The following GTPBP6 variants were observed in gnomAD, a reference collection of about 807,000 sequenced individuals.
GTPBP6 encodes GTP binding protein 6.
Under a neutral mutation model 28.9 loss-of-function variants are expected in GTPBP6, and 33 were observed. The observed-to-expected ratio is 1.14, with a 90% CI of 0.87 to 1.53. The LOEUF (loss-of-function observed/expected upper bound fraction) is 1.53. Ranked by LOEUF, GTPBP6 falls within the 40% of genes most tolerant of loss-of-function variation. The pLI, the probability that GTPBP6 is intolerant of heterozygous loss-of-function variation, is 0.00. For synonymous variants in GTPBP6, 231 were observed against 192.7 expected, an observed-to-expected ratio of 1.20 and a Z score of -1.65; for missense variants, 507 against 408.3, an observed-to-expected ratio of 1.24 and a Z score of -2.08.
At chrX:317,410 G>A (rs1320868285) in intron 1 of GTPBP6, among the ~76,000 whole-genome samples, 2 of 152,010 alleles carry the variant, frequency 1.3e-5, no homozygotes, top group African/African-American at 2.4e-5. Flanking sequence ...TGAGCAGTTC[G>A]GGGCTTCATC....
At chrX:312,064 G>A (rs2070312675) in intron 6 of GTPBP6, 1 of 455,130 alleles carries the variant, frequency 2.2e-6, no homozygotes, top group Non-Finnish European at 4.3e-6. Flanking sequence ...GAAGGATGGT[G>A]TAGACAGAGG....
rs781428514 is a variant in GTPBP6 at position 314,044 on chromosome X, C to T, written c.757+106G>A. On this transcript the variant is annotated intron_variant, in intron 5 of 9. Transcript: ENST00000326153. ...AAATGCTACCAGGAGACGGAGACCC[C>T]AGCTGGACCCCACCCTGTTGGAATC... 7.0e-5 allele frequency: 63 copies of T among 894,792 alleles called. No homozygotes were observed. In the East Asian group the frequency reaches 1.6e-3, roughly 23 times the overall value. 55.4% of individuals were successfully genotyped at this position (894,792 alleles called of 1,614,324 possible).
At chrX:307,673 A>G in intron 8 of GTPBP6, 59 bp downstream of exon 8, 2 of 1,438,518 alleles carry the variant, frequency 1.4e-6, no homozygotes, top group South Asian at 1.4e-5. Flanking sequence ...GCATCTCCCC[A>G]CCCGGCTCCA....
At chrX:310,293 C>A in intron 7 of GTPBP6, among the ~76,000 whole-genome samples, 1 of 143,380 alleles carries the variant, frequency 7.0e-6, no homozygotes, top group African/African-American at 2.7e-5. Context: ...GAGACACAGA[C>A]ACAGAGGAGG....
At chrX:314,301 T>C (rs887448810) in intron 4 of GTPBP6, 84 bp from the exon 5 acceptor site, 1 of 1,144,032 alleles carries the variant, frequency 8.7e-7, no homozygotes, top group African/African-American at 1.5e-5. Flanking sequence ...AAGGGGGCAC[T>C]GAGCTGGGCC....
chrX:311,797 A>G lies in GTPBP6; in HGVS notation c.917-170T>C, dbSNP rs763846106. ...CCGGGCCAGACCCGACGCGTGGGAC[A>G]AAGCCACCGTCGCTGTTCTCGGGCC... On this transcript the variant is annotated intron_variant, in intron 6 of 9. Transcript: ENST00000326153. 1.0e-4 allele frequency: 65 copies of G among 632,138 alleles called. 1 individual carries two copies. Among genetic ancestry groups the G allele is most frequent in the African/African-American group, 1.0e-3 (56 of 55,066 alleles). 39.2% of individuals were successfully genotyped at this position (632,138 alleles called of 1,614,324 possible). A position where few individuals can be genotyped will look rare whatever the true frequency, so the allele number is the denominator to read the frequency against.
chrX:310,896 C>A (rs1182755959), intron 7 of GTPBP6, among the ~76,000 whole-genome samples: 1 of 151,508 alleles, frequency 6.6e-6, no homozygotes, highest in Non-Finnish European at 1.5e-5. Flanking sequence ...CATCACCGTG[C>A]TGTGTCCGCC....
intron 7 of GTPBP6, among the ~76,000 whole-genome samples, chrX:310,882 C>T (rs2070272598): frequency 1.3e-5 from 2 of 152,000 alleles, no homozygotes; most frequent in African/African-American, 4.8e-5. Context: ...CATCGATCCT[C>T]AGGCATCACC....
exon 10 of GTPBP6, chrX:304,918 C>T (rs1330555779): frequency 3.0e-5 from 44 of 1,458,978 alleles, no homozygotes; most frequent in Admixed American, 7.8e-5. Context: ...CCGGCCTGCA[C>T]GGTCATCCCA....
intron 7 of GTPBP6, among the ~76,000 whole-genome samples, chrX:308,493 CA>C (rs2070219605): frequency 6.6e-6 from 1 of 152,004 alleles, no homozygotes; most frequent in South Asian, 2.1e-4. Context: ...CCAGCCTGGG[CA>C]AGAGAGTGAG....
At chrX:318,361 TA>T in intron 1 of GTPBP6, 77 bp downstream of exon 1, 1 of 348,116 alleles carries the variant, frequency 2.9e-6, no homozygotes, top group Non-Finnish European at 4.9e-6. Flanking sequence ...AATCTCCACC[TA>T]TGAGCCCCCT....
intron 1 of GTPBP6, 55 bp downstream of exon 1, chrX:318,384 C>T: frequency 2.5e-6 from 1 of 398,218 alleles, no homozygotes; most frequent in African/African-American, 2.1e-5. Flanking sequence ...CCCTCAGAGC[C>T]CCGCCCCCAG....
At position 307,353 on chromosome X, in the gene GTPBP6, C is replaced by T. The variant is rs190710853; in HGVS notation, c.1427+7G>A. ...CATCCCGTCTCCTGCCCCTGCAGGC[C>T]GCTCACCTGAGCTGCGCCCCTGCGA... On this transcript the variant is annotated splice_region_variant and intron_variant, in intron 9 of 9. Coordinates refer to ENST00000326153, the Ensembl canonical transcript of GTPBP6. 2.5e-4 allele frequency: 402 copies of T among 1,611,394 alleles called. 3 individuals are homozygous for T. In the African/African-American group the frequency reaches 4.8e-3, roughly 19 times the overall value.
chrX:313,242 C>G (rs1270788822), intron 5 of GTPBP6, among the ~76,000 whole-genome samples: 4 of 152,220 alleles, frequency 2.6e-5, no homozygotes, highest in African/African-American at 9.6e-5. Context: ...CGTGAGCGGG[C>G]TCAGTGGGGC....
At chrX:312,379 G>A (rs894384416) in intron 6 of GTPBP6, 2 of 487,134 alleles carry the variant, frequency 4.1e-6, no homozygotes, top group African/African-American at 3.9e-5. Flanking sequence ...AGAGGTGATG[G>A]TGTAGATGGG....
chrX:317,418 A>G (rs1286465915), intron 1 of GTPBP6, among the ~76,000 whole-genome samples: 1 of 152,030 alleles, frequency 6.6e-6, no homozygotes, highest in African/African-American at 2.4e-5. Flanking sequence ...TCGGGGCTTC[A>G]TCTGTTCCAG....
At chrX:311,603 A>T (rs375317570) in exon 7 of GTPBP6, 3 of 1,612,138 alleles carry the variant, frequency 1.9e-6, no homozygotes, top group Non-Finnish European at 2.5e-6. Context: ...ATCGCCCGTC[A>T]GTGCCTTGAT....
chrX:308,521 G>A (rs2070220301), intron 7 of GTPBP6, among the ~76,000 whole-genome samples: 1 of 151,940 alleles, frequency 6.6e-6, no homozygotes, highest in Non-Finnish European at 1.5e-5. Flanking sequence ...TCTACAGAAA[G>A]TACAAAAATT....
chrX:318,646 C>T (rs2124483224), exon 1 of GTPBP6: 1 of 397,514 alleles, frequency 2.5e-6, no homozygotes, highest in East Asian at 3.6e-5. Flanking sequence ...CACGGCCCCT[C>T]CAGATTCCCG....
Sources: allele counts gnomAD v4.1 joint callset (sites outside exome capture counted in the v4.1 genomes callset), GRCh38; gene constraint gnomAD v4.1.1; transcripts MANE v1.5; gene names NCBI Gene and HGNC (gene_info 2026-07-23, HGNC 2026-07-21).